KCNJ1: variants seen among roughly 807,000 people sequenced by gnomAD.
KCNJ1 encodes ATP-sensitive inward rectifier potassium channel 1.
KCNJ1 carries 24 observed loss-of-function variants against 21.9 expected under a neutral mutation model. That is an observed-to-expected ratio of 1.10 (90% CI 0.79 to 1.54). The LOEUF is 1.54. Among genes scored for constraint, KCNJ1 ranks in the 40% most tolerant of loss-of-function variants. The pLI is 0.00. For missense variants in KCNJ1, 457 were observed against 455.4 expected, an observed-to-expected ratio of 1.00 and a Z score of -0.03; for synonymous variants, 152 against 160.9, an observed-to-expected ratio of 0.94 and a Z score of 0.42.
At position 128,851,808 on chromosome 11, in the gene KCNJ1, T is replaced by C. The variant is rs188757154; in HGVS notation, c.-191-918A>G. 5.3e-5 allele frequency among the ~76,000 whole-genome samples: 8 copies of C among 152,342 alleles called. No individual in the cohort carries two copies. The East Asian group carries it at 1.5e-3, about 29-fold the overall frequency. On this transcript the variant is annotated intron_variant, in intron 1 of 2. Transcript: ENST00000392666. The stretch of plus-strand genomic sequence containing the variant: ...ATTTATAAAATGGAAAAAATTCAAC[T>C]AATGTCTTCAGTATGGACACTCGGA...
Position 128,839,736 on chromosome 11 carries a change from C to T in KCNJ1, c.508G>A (p.Ala170Thr). 3.1e-6 allele frequency: 5 copies of T among 1,613,726 alleles called. No homozygotes were observed. Among genetic ancestry groups the T allele is most frequent in the Non-Finnish European group, 4.2e-6 (5 of 1,179,940 alleles). ...TTCTTGCTGAACGTAATGGTCTTGG[C>T]ACGTTTTTTGGGCCTGGAGATCTTG... ...LAKISRPKKR[A>T]KTITFSKNAV... Residue 170 changes from alanine to threonine, a missense_variant, in exon 3 of 3, where the codon GCC becomes ACC. Ala to Thr is a moderately conservative substitution (Grantham distance 58). Coordinates refer to ENST00000392666, the MANE Select transcript of KCNJ1 (RefSeq NM_153766.3).
At chr11:128,850,164 G>A (rs1051479354) in intron 2 of KCNJ1, among the ~76,000 whole-genome samples, 1 of 152,050 alleles carries the variant, frequency 6.6e-6, no homozygotes, top group African/African-American at 2.4e-5. Context: ...AACCCTTGGA[G>A]CTCTACTCTC....
chr11:128,841,983 A>C (rs574771436), intron 2 of KCNJ1, among the ~76,000 whole-genome samples: 1 of 152,324 alleles, frequency 6.6e-6, no homozygotes, highest in South Asian at 2.1e-4. Flanking sequence ...TTCCTTGTAC[A>C]CACATCCTTT....
At chr11:128,841,604 G>C (rs1401557644) in intron 2 of KCNJ1, among the ~76,000 whole-genome samples, 1 of 152,146 alleles carries the variant, frequency 6.6e-6, no homozygotes, top group Non-Finnish European at 1.5e-5. Context: ...TTTTAAAATA[G>C]ATTTCAAAAT....
intron 1 of KCNJ1, among the ~76,000 whole-genome samples, chr11:128,857,548 C>T (rs1037282587): frequency 3.9e-5 from 6 of 152,210 alleles, no homozygotes; most frequent in Non-Finnish European, 7.3e-5. Flanking sequence ...TCAGCTGCAT[C>T]CCTATGTTAT....
rs770089926 is a variant in KCNJ1, at chr11:128,840,206, A to C, written c.38T>G (p.Phe13Cys). ...KHLRKWVVTRFFGHSRQRARL... is the reference protein window; with the variant it reads ...KHLRKWVVTRCFGHSRQRARL... ...TGCTCTTTGCCGAGAATGCCCAAAA[A>C]AGCGAGTGACGACCCATTTCCGAAG... The change falls in exon 3 of 3, where the codon TTT (phenylalanine) becomes TGT (cysteine). Residue 13 changes from phenylalanine to cysteine, a missense_variant. By Grantham distance (205) the Phe-to-Cys change is radical. Transcript: ENST00000392666. 1 of 1,614,216 alleles carries C rather than the reference A, an allele frequency of 6.2e-7. No individual in the cohort carries two copies. The highest frequency in any genetic ancestry group is 2.2e-5 in the East Asian group (1 of 44,892).
intron 1 of KCNJ1, among the ~76,000 whole-genome samples, chr11:128,860,979 C>T (rs1943696068): frequency 6.6e-6 from 1 of 152,192 alleles, no homozygotes; most frequent in African/African-American, 2.4e-5. Context: ...TTGTGAACTC[C>T]AGGGCAGGGA....
chr11:128,844,543 TA>T (rs1358688822), intron 2 of KCNJ1, among the ~76,000 whole-genome samples: 1 of 152,238 alleles, frequency 6.6e-6, no homozygotes, highest in East Asian at 1.9e-4. Flanking sequence ...CTTTTCTCCA[TA>T]AAAATATGTG....
At chr11:128,856,173 C>T (rs370632987) in intron 1 of KCNJ1, among the ~76,000 whole-genome samples, 5 of 152,238 alleles carry the variant, frequency 3.3e-5, no homozygotes, top group South Asian at 2.1e-4. Context: ...ACTGTTTATC[C>T]GGCTGCTAGG....
intron 1 of KCNJ1, among the ~76,000 whole-genome samples, chr11:128,859,297 C>T (rs1444166758): frequency 6.6e-6 from 1 of 152,192 alleles, no homozygotes; most frequent in African/African-American, 2.4e-5. Context: ...CTCTGTTGCC[C>T]AGGCTGGAGT....
chr11:128,839,289 G>T lies in KCNJ1; in HGVS notation c.955C>A (p.Arg319=). 3.1e-6 allele frequency: 5 copies of T among 1,614,048 alleles called. No homozygotes were observed. Among genetic ancestry groups the T allele is most frequent in the Non-Finnish European group, 4.2e-6 (5 of 1,179,992 alleles). The change falls in exon 3 of 3, where the codon CGA becomes AGA. Residue 319 remains arginine, a synonymous_variant. Coordinates refer to ENST00000392666, the MANE Select transcript of KCNJ1 (RefSeq NM_153766.3). ...IVSKTKEGKY[R]VDFHNFSKTV... ...TTGCTAAAGTTATGGAAATCCACTC[G>T]GTATTTCCCTTCCTTTGTCTTGGAT...
chr11:128,854,672 A>G (rs1943550992), intron 1 of KCNJ1, among the ~76,000 whole-genome samples: 1 of 152,082 alleles, frequency 6.6e-6, no homozygotes, highest in South Asian at 2.1e-4. Context: ...GCCCTTTCTC[A>G]AAGGCAGGGC....
At chr11:128,846,744 AGGATTAG>A (rs575857735) in intron 2 of KCNJ1, among the ~76,000 whole-genome samples, 105 of 152,270 alleles carry the variant, frequency 6.9e-4, no homozygotes, top group South Asian at 6.8e-3. Flanking sequence ...CTCTCACCCT[AGGATTAG>A]GATTAACTAG....
intron 1 of KCNJ1, among the ~76,000 whole-genome samples, chr11:128,860,231 A>C (rs1482622351): frequency 6.6e-6 from 1 of 152,232 alleles, no homozygotes; most frequent in Non-Finnish European, 1.5e-5. Flanking sequence ...CGGATGGATG[A>C]GCGACACTAT....
intron 2 of KCNJ1, among the ~76,000 whole-genome samples, chr11:128,846,045 T>C (rs1044676402): frequency 3.9e-5 from 6 of 152,152 alleles, no homozygotes; most frequent in African/African-American, 1.4e-4. Context: ...TCTGAATAAC[T>C]TGTCCTTTTG....
chr11:128,842,252 G>GA (rs763808550), intron 2 of KCNJ1: 14 of 1,066,052 alleles, frequency 1.3e-5, no homozygotes, highest in Non-Finnish European at 2.0e-5. Flanking sequence ...AGGTAAAGAA[G>GA]ATTTCTGTAG....
At chr11:128,847,325 G>A (rs1943398868) in intron 2 of KCNJ1, among the ~76,000 whole-genome samples, 2 of 152,136 alleles carry the variant, frequency 1.3e-5, no homozygotes, top group Non-Finnish European at 1.5e-5. Context: ...CTTTCTGACT[G>A]GAGGGCACTG....
chr11:128,839,223 A>G lies in KCNJ1; in HGVS notation c.1021T>C (p.Tyr341His). The change falls in exon 3 of 3, where the codon TAT (tyrosine) becomes CAT (histidine). Residue 341 changes from tyrosine to histidine, a missense_variant. Coordinates refer to ENST00000392666, the MANE Select transcript of KCNJ1 (RefSeq NM_153766.3). ...VETPHCAMCLYNEKDVRARMK... is the reference protein window; with the variant it reads ...VETPHCAMCLHNEKDVRARMK... ...CTGGCTCTAACATCTTTCTCATTAT[A>G]AAGGCACATGGCACAGTGAGGGGTC... 6.2e-7 allele frequency: 1 copy of G among 1,614,104 alleles called. No individual in the cohort carries two copies. The highest frequency in any genetic ancestry group is 8.5e-7 in the Non-Finnish European group (1 of 1,180,008).
chr11:128,866,558 G>C (rs1943818971), intron 1 of KCNJ1: 1 of 972,792 alleles, frequency 1.0e-6, no homozygotes, highest in Non-Finnish European at 1.2e-6. Flanking sequence ...GGCATTCACT[G>C]GTATAGAGCA....
Sources: gnomAD v4.1 joint callset for allele counts (sites outside exome capture counted in the v4.1 genomes callset) on GRCh38, gnomAD v4.1.1 for gene constraint, MANE v1.5 for transcripts, NCBI Gene and HGNC (gene_info 2026-07-23, HGNC 2026-07-21) for gene names.